DHTKD1: variants seen among roughly 807,000 people sequenced by gnomAD.
DHTKD1 encodes the protein dehydrogenase E1 and transketolase domain containing 1, also known as 2-oxoadipate dehydrogenase complex component E1.
A neutral mutation model predicts 101.8 loss-of-function variants in DHTKD1; 78 were observed. The observed-to-expected ratio is 0.77, with a 90% confidence interval of 0.64 to 0.93. The LOEUF (loss-of-function observed/expected upper bound fraction) is 0.93, where lower values mean the gene tolerates loss of function less well. DHTKD1 is among the 40% of genes least tolerant of loss of function. The probability of loss-of-function intolerance (pLI) is 0.00; values close to 1 mark genes in which losing one functional copy is unlikely to be tolerated. For synonymous variants in DHTKD1, 462 were observed against 450.3 expected (o/e 1.03, Z -0.33); for missense variants, 1,223 against 1,161.7 (o/e 1.05, Z -0.77).
chr10:12,105,424 T>C (rs894111651), intron 10 of DHTKD1, among the ~76,000 whole-genome samples: 1 of 152,078 alleles, frequency 6.6e-6, no homozygotes, highest in African/African-American at 2.4e-5. Context: ...CAAGTGATCC[T>C]CCCACCTCAG....
chr10:12,076,408 A>G (rs12781723), intron 1 of DHTKD1, among the ~76,000 whole-genome samples: 2 of 150,010 alleles, frequency 1.3e-5, no homozygotes, highest in East Asian at 2.0e-4. Context: ...CCCAGGAGGC[A>G]GAGGTTGCAG....
chr10:12,106,459 G>A (rs1396262432), intron 11 of DHTKD1, 63 bp downstream of exon 11: 1 of 1,595,288 alleles, frequency 6.3e-7, no homozygotes, highest in Non-Finnish European at 8.6e-7. Flanking sequence ...GCCTCGTGGG[G>A]ACAAATGAAT....
intron 4 of DHTKD1, among the ~76,000 whole-genome samples, chr10:12,088,275 C>G (rs1405512651): frequency 2.6e-5 from 4 of 152,000 alleles, no homozygotes; most frequent in Non-Finnish European, 5.9e-5. Flanking sequence ...GGTAACCTCG[C>G]AAAACTCTGT....
intron 1 of DHTKD1, among the ~76,000 whole-genome samples, chr10:12,078,008 T>C (rs1832760921): frequency 6.6e-6 from 1 of 152,040 alleles, no homozygotes; most frequent in Admixed American, 6.6e-5. Flanking sequence ...GGACTTCCTC[T>C]TTCTGCTGGT....
At chr10:12,081,395 T>G (rs1832814105) in intron 1 of DHTKD1, 77 bp from the exon 2 acceptor site, 1 of 1,265,274 alleles carries the variant, frequency 7.9e-7, no homozygotes, top group African/African-American at 1.5e-5. Context: ...CTGTAAGAGC[T>G]TCTTTGAAAA....
chr10:12,089,176 G>T lies in DHTKD1; in HGVS notation c.908G>T (p.Gly303Val). The change falls in exon 5 of 17, where the codon GGC becomes GTC. Residue 303 changes from glycine to valine, a missense_variant. By Grantham distance (109) the Gly-to-Val change is moderately radical (BLOSUM62 -3). Transcript: ENST00000263035. Reference protein sequence around the residue: ...VNPVAVGKTRGRQQSRQDGDY... With the variant: ...VNPVAVGKTRVRQQSRQDGDY... Reference sequence around the variant, plus strand: ...CCCGTGGCCGTGGGCAAAACTCGCGGCAGGCAGCAGTCTCGCCAAGACGGC... The same window carrying T: ...CCCGTGGCCGTGGGCAAAACTCGCGTCAGGCAGCAGTCTCGCCAAGACGGC... 1 of 1,614,176 alleles carries T rather than the reference G, an allele frequency of 6.2e-7. No homozygotes were observed. Among genetic ancestry groups the T allele is most frequent in the Non-Finnish European group, 8.5e-7 (1 of 1,180,032 alleles).
At chr10:12,086,423 G>A (rs1173850344) in intron 3 of DHTKD1, among the ~76,000 whole-genome samples, 3 of 151,284 alleles carry the variant, frequency 2.0e-5, no homozygotes, top group African/African-American at 7.3e-5. Flanking sequence ...GTTTCACTGT[G>A]TTAGTCAGGA....
At position 12,069,423 on chromosome 10, in the gene DHTKD1, C is replaced by A. The variant is rs150799096; in HGVS notation, c.154+236C>A. Reference sequence around the variant, plus strand: ...TTGAGGTCCACGCTTGGGTGGTCTTCCCATCTTGCTGGTCCGGACCTGGTT... The same window carrying A: ...TTGAGGTCCACGCTTGGGTGGTCTTACCATCTTGCTGGTCCGGACCTGGTT... On this transcript the variant is annotated intron_variant, in intron 1 of 16. Transcript: ENST00000263035. Among the ~76,000 whole-genome samples the A allele has an allele frequency of 1.5e-3, 230 of 152,152 alleles. 2 individuals carry two copies. The highest frequency in any genetic ancestry group is 5.2e-3 in the African/African-American group (216 of 41,522).
chr10:12,121,048 C>G lies in DHTKD1; in HGVS notation c.*160C>G, dbSNP rs941940705. 10 of 515,940 alleles carry G rather than the reference C, an allele frequency of 1.9e-5. No individual in the cohort carries two copies. In the African/African-American group the frequency reaches 2.0e-4, roughly 10 times the overall value. The allele number at this position is 515,940 out of a possible 1,614,324, so 32.0% of individuals were successfully genotyped here. ...CAGCCTGGCCAACACGGTGAAACCC[C>G]GCCTCTACTAAAAATACAAAAAATA... is the stretch of plus-strand genomic sequence containing the variant. On this transcript the variant is annotated 3_prime_UTR_variant, in exon 17 of 17. Transcript: ENST00000263035.
intron 1 of DHTKD1, among the ~76,000 whole-genome samples, chr10:12,079,384 T>G (rs1445978553): frequency 6.6e-6 from 1 of 151,858 alleles, no homozygotes; most frequent in Non-Finnish European, 1.5e-5. Flanking sequence ...AAGGAGAGAG[T>G]AGGAGCTGGG....
rs575952651 is a variant in DHTKD1, at chr10:12,068,956, C to G, written c.-78C>G. The G allele has an allele frequency of 5.8e-6, 9 of 1,550,750 alleles. No homozygotes were observed. The highest frequency in any genetic ancestry group is 3.6e-5 in the Admixed American group (2 of 56,116). Reference sequence around the variant, plus strand: ...GGGGCGGGGCTCCGGCCGCCTCTGACGAGTCCCGGATTTACCAGGGCCGGT... The same window carrying G: ...GGGGCGGGGCTCCGGCCGCCTCTGAGGAGTCCCGGATTTACCAGGGCCGGT... On this transcript the variant is annotated 5_prime_UTR_variant, in exon 1 of 17. Transcript: ENST00000263035.
chr10:12,076,321 A>C (rs1321558043), intron 1 of DHTKD1, among the ~76,000 whole-genome samples: 1 of 152,220 alleles, frequency 6.6e-6, no homozygotes, highest in African/African-American at 2.4e-5. Context: ...ACTAAAATAC[A>C]AAAAATTAGC....
chr10:12,117,627 C>A, intron 13 of DHTKD1, 46 bp from the exon 14 acceptor site: 1 of 1,141,378 alleles, frequency 8.8e-7, no homozygotes, highest in Non-Finnish European at 1.3e-6. Flanking sequence ...GACAGCATCA[C>A]CTCTTTCTGT....
At chr10:12,102,920 G>A (rs779936744) in intron 10 of DHTKD1, among the ~76,000 whole-genome samples, 2 of 150,836 alleles carry the variant, frequency 1.3e-5, no homozygotes, top group Non-Finnish European at 3.0e-5. Flanking sequence ...ACGCCTGGCC[G>A]AAGATTTAAT....
rs769184709 is a variant in DHTKD1, at chr10:12,069,018, G to C, written c.-16G>C. On this transcript the variant is annotated 5_prime_UTR_variant, in exon 1 of 17. Coordinates refer to ENST00000263035, the MANE Select transcript of DHTKD1 (RefSeq NM_018706.7). ...GGGCTCCCGCCTTAGCATGCTGGCC[G>C]GGACATCTGGTGAACATGGCCTCTG... 6.6e-5 allele frequency: 106 copies of C among 1,612,740 alleles called. No homozygotes were observed. Among genetic ancestry groups the C allele is most frequent in the Non-Finnish European group, 8.8e-5 (104 of 1,179,550 alleles).
chr10:12,118,039 G>C (rs1042641364), intron 14 of DHTKD1, among the ~76,000 whole-genome samples: 1 of 151,758 alleles, frequency 6.6e-6, no homozygotes, highest in Admixed American at 6.6e-5. Flanking sequence ...ACAGGTGCCC[G>C]CCACCACACC....
At position 12,110,535 on chromosome 10, in the gene DHTKD1, T is replaced by A. The variant is rs1833314800; in HGVS notation, c.2155-2365T>A. ...CATTTTTAATTGACAAATGTACAATTGTATATATGAATAGTATAAAATGTG... is the reference window on the plus strand; with the variant it reads ...CATTTTTAATTGACAAATGTACAATAGTATATATGAATAGTATAAAATGTG... On this transcript the variant is annotated intron_variant, in intron 12 of 16. Transcript: ENST00000263035. The surrounding 1 kb of genome is among the most constrained non-coding windows in gnomAD (Gnocchi z 4.9). 6.6e-6 allele frequency among the ~76,000 whole-genome samples: 1 copy of A among 152,168 alleles called. No individual in the cohort carries two copies. Among genetic ancestry groups the A allele is most frequent in the African/African-American group, 2.4e-5 (1 of 41,436 alleles).
At chr10:12,098,122 A>G (rs1833103020) in intron 8 of DHTKD1, 126 bp downstream of exon 8, 2 of 873,236 alleles carry the variant, frequency 2.3e-6, no homozygotes, top group Non-Finnish European at 3.4e-6. Flanking sequence ...GTTAGGTTCT[A>G]GAAACTGATC....
chr10:12,073,123 C>T (rs1340295993), intron 1 of DHTKD1, among the ~76,000 whole-genome samples: 1 of 151,956 alleles, frequency 6.6e-6, no homozygotes, highest in East Asian at 1.9e-4. Flanking sequence ...ACCTATTCCT[C>T]CTGGGTTCAA....
Sources: allele counts gnomAD v4.1 joint callset (sites outside exome capture counted in the v4.1 genomes callset), GRCh38; gene constraint gnomAD v4.1.1; non-coding constraint Gnocchi (gnomAD v3.1); transcripts MANE v1.5; gene names NCBI Gene and HGNC (gene_info 2026-07-23, HGNC 2026-07-21).